Variants in ADAMTS6 observed in about 807,000 individuals in gnomAD.
ADAMTS6 encodes the protein A disintegrin and metalloproteinase with thrombospondin motifs 6.
A neutral mutation model predicts 144.3 loss-of-function variants in ADAMTS6; 23 were observed. The ratio of observed to expected loss-of-function variants is 0.16; its 90% CI spans 0.11 to 0.23. ADAMTS6 has a LOEUF of 0.23. Ranked by LOEUF, ADAMTS6 falls within the 10% of genes least tolerant of loss-of-function variation. ADAMTS6 has a pLI of 1.00. For missense variants in ADAMTS6, 999 were observed against 1,379.6 expected (o/e 0.72, Z 4.37); for synonymous variants, 444 against 457.5 (o/e 0.97, Z 0.38).
intron 9 of ADAMTS6, among the ~76,000 whole-genome samples, chr5:65,304,484 G>A (rs987769024): frequency 6.6e-6 from 1 of 152,202 alleles, no homozygotes; most frequent in African/African-American, 2.4e-5. Flanking sequence ...CAAGGCTGGA[G>A]TGCAGTGGCG....
intron 7 of ADAMTS6, among the ~76,000 whole-genome samples, chr5:65,385,556 A>C (rs868750568): frequency 1.8e-4 from 28 of 152,206 alleles, no homozygotes; most frequent in Non-Finnish European, 1.9e-4. Flanking sequence ...GATTCATAGT[A>C]CCACTTAGTA....
intron 7 of ADAMTS6, among the ~76,000 whole-genome samples, chr5:65,422,653 T>C (rs11742719): frequency 1.1e-5 from 1 of 88,092 alleles, no homozygotes. Flanking sequence ...AATTAAAAAA[T>C]TAAAAAAAAA....
At chr5:65,171,707 T>TA (rs963954247) in intron 23 of ADAMTS6, among the ~76,000 whole-genome samples, 40 of 146,780 alleles carry the variant, frequency 2.7e-4, no homozygotes, top group South Asian at 1.1e-3. Context: ...TGGGGTCATT[T>TA]AAAAAAAAAA....
intron 11 of ADAMTS6, among the ~76,000 whole-genome samples, chr5:65,286,597 A>T (rs1189313944): frequency 6.6e-6 from 1 of 152,240 alleles, no homozygotes; most frequent in Non-Finnish European, 1.5e-5. Context: ...TCTTAAATCT[A>T]CCTGTAGATG....
intron 22 of ADAMTS6, among the ~76,000 whole-genome samples, chr5:65,184,232 A>C (rs537135604): frequency 6.6e-6 from 1 of 152,366 alleles, no homozygotes; most frequent in South Asian, 2.1e-4. Context: ...TTGCAGAAAA[A>C]GTATTTGAAA....
chr5:65,372,775 A>T (rs1374676626), intron 7 of ADAMTS6, among the ~76,000 whole-genome samples: 7 of 151,992 alleles, frequency 4.6e-5, no homozygotes, highest in African/African-American at 1.7e-4. Flanking sequence ...CATCTACAGA[A>T]CTCTCCACCC....
intron 22 of ADAMTS6, 75 bp downstream of exon 22, chr5:65,187,941 C>T (rs1561261480): frequency 6.9e-7 from 1 of 1,456,710 alleles, no homozygotes; most frequent in African/African-American, 1.4e-5. Flanking sequence ...GTTCAGGTGT[C>T]CTTAATATTA....
rs147510865 is a variant in ADAMTS6 at position 65,337,369 on chromosome 5, C to G, written c.1074-3284G>C. ...AAACTTACTATTATCTCATATTTTA[C>G]CTTTTTCAATTTCTTTTTTGTGGGA... On this transcript the variant is annotated intron_variant, in intron 7 of 24. Transcript: ENST00000381055. Among the ~76,000 whole-genome samples, 1,108 of 152,104 alleles carry G rather than the reference C, an allele frequency of 7.3e-3. 10 individuals carry two copies. Among genetic ancestry groups the G allele is most frequent in the Middle Eastern group, 0.048 (14 of 294 alleles).
intron 9 of ADAMTS6, among the ~76,000 whole-genome samples, chr5:65,320,349 A>C (rs1745487405): frequency 6.6e-6 from 1 of 152,214 alleles, no homozygotes; most frequent in East Asian, 1.9e-4. Context: ...CTTGAAAGAC[A>C]TAATTACAAA....
rs1170830903 is a variant in ADAMTS6, at chr5:65,224,331, T to A, written c.2261A>T (p.Lys754Met). The stretch of plus-strand genomic sequence containing the variant: ...CCAGTCTAACATACCAATATAGTTC[T>A]TTGACATGGCAACTTCTCTAACTTC... ...HIEVREVAMSKNYIALKSEGD... is the reference protein window; with the variant it reads ...HIEVREVAMSMNYIALKSEGD... The change falls in exon 18 of 25, where the codon AAG (lysine) becomes ATG (methionine). Residue 754 changes from lysine (K) to methionine (M), a missense_variant. Around this residue, in one of 3 missense-constraint regions of ADAMTS6, gnomAD observed 619 missense variants for 837.0 expected, o/e 0.74. Coordinates refer to ENST00000381055, the MANE Select transcript of ADAMTS6 (RefSeq NM_197941.4). 1 of 1,613,888 alleles carries A rather than the reference T, an allele frequency of 6.2e-7. No homozygotes were observed. Among genetic ancestry groups the A allele is most frequent in the Admixed American group, 1.7e-5 (1 of 60,006 alleles).
intron 1 of ADAMTS6, among the ~76,000 whole-genome samples, chr5:65,480,379 T>G (rs1387464392): frequency 6.7e-6 from 1 of 149,804 alleles, no homozygotes; most frequent in East Asian, 2.0e-4. Context: ...CCTGGTTGAG[T>G]TGATCCTAAA....
chr5:65,283,556 T>C (rs1253342617), intron 11 of ADAMTS6, among the ~76,000 whole-genome samples: 1 of 152,136 alleles, frequency 6.6e-6, no homozygotes, highest in Non-Finnish European at 1.5e-5. Context: ...GATTTTAGCT[T>C]AGAATTTAAG....
intron 18 of ADAMTS6, among the ~76,000 whole-genome samples, chr5:65,220,241 T>C (rs910909784): frequency 7.9e-5 from 12 of 152,086 alleles, no homozygotes; most frequent in African/African-American, 2.9e-4. Context: ...ACCTTCTAAG[T>C]CATGAGTCAC....
chr5:65,461,058 G>A (rs570020083), intron 3 of ADAMTS6, among the ~76,000 whole-genome samples: 3 of 152,264 alleles, frequency 2.0e-5, no homozygotes, highest in African/African-American at 7.2e-5. Flanking sequence ...ATATTACATA[G>A]AGGTAAGTGA....
intron 9 of ADAMTS6, among the ~76,000 whole-genome samples, chr5:65,323,240 A>AT (rs1031437167): frequency 5.4e-5 from 8 of 147,156 alleles, no homozygotes; most frequent in African/African-American, 2.0e-4. Flanking sequence ...AGCATTAGGT[A>AT]TATCTCCTAA....
intron 7 of ADAMTS6, among the ~76,000 whole-genome samples, chr5:65,448,844 G>A (rs1758498982): frequency 6.6e-6 from 1 of 152,058 alleles, no homozygotes; most frequent in Non-Finnish European, 1.5e-5. Context: ...AAACAGTCAG[G>A]TCACACCCCG....
At chr5:65,449,837 C>A (rs1758597654) in intron 7 of ADAMTS6, among the ~76,000 whole-genome samples, 1 of 152,032 alleles carries the variant, frequency 6.6e-6, no homozygotes, top group African/African-American at 2.4e-5. Context: ...TACTCTACTA[C>A]TTGAATACCT....
intron 7 of ADAMTS6, among the ~76,000 whole-genome samples, chr5:65,336,850 T>C (rs2150069319): frequency 6.6e-6 from 1 of 152,034 alleles, no homozygotes; most frequent in East Asian, 1.9e-4. Context: ...TTTGCAACAA[T>C]AAAAATTCCA....
chr5:65,183,882 A>G (rs1320449244), intron 22 of ADAMTS6, among the ~76,000 whole-genome samples: 1 of 152,192 alleles, frequency 6.6e-6, no homozygotes, highest in Non-Finnish European at 1.5e-5. Context: ...TAGTTCAATA[A>G]TAATTTTTTT....
Sources: gnomAD v4.1 joint callset for allele counts (sites outside exome capture counted in the v4.1 genomes callset) on GRCh38, gnomAD v4.1.1 for gene constraint, gnomAD v4.1.1 regional missense constraint, MANE v1.5 for transcripts, NCBI Gene and HGNC (gene_info 2026-07-23, HGNC 2026-07-21) for gene names.